The following BNC2 variants were observed in gnomAD, a reference collection of about 807,000 sequenced individuals.
BNC2 encodes the protein basonuclin zinc finger protein 2.
BNC2 carries 20 observed loss-of-function variants against 76.3 expected under a neutral mutation model. That is an observed-to-expected ratio of 0.26 (90% confidence interval 0.18 to 0.38). The LOEUF (loss-of-function observed/expected upper bound fraction) is 0.38. Ranked by LOEUF, BNC2 falls within the 10% of genes least tolerant of loss-of-function variation. The pLI, the probability that BNC2 is intolerant of heterozygous loss-of-function variation, is 1.00. For missense variants in BNC2, 1,382 were observed against 1,399.8 expected (o/e 0.99, Z 0.20); for synonymous variants, 582 against 514.8 (o/e 1.13, Z -1.77).
At chr9:16,672,487 A>AC (rs141003349) in intron 3 of BNC2, among the ~76,000 whole-genome samples, 2,967 of 152,206 alleles carry the variant, frequency 0.019, 96 homozygotes, top group African/African-American at 0.067. Context: ...ACAGAGCAAG[A>AC]TCCATCTCAA....
At chr9:16,815,862 C>T (rs983453989) in intron 1 of BNC2, among the ~76,000 whole-genome samples, 5 of 152,036 alleles carry the variant, frequency 3.3e-5, no homozygotes, top group Non-Finnish European at 5.9e-5. Context: ...TTACATTCTT[C>T]GACACAAAGA....
intron 5 of BNC2, among the ~76,000 whole-genome samples, chr9:16,548,817 C>A (rs1362550435): frequency 6.6e-6 from 1 of 152,144 alleles, no homozygotes; most frequent in Non-Finnish European, 1.5e-5. Flanking sequence ...TAAAAGCTAA[C>A]TTTCTGTACT....
intron 1 of BNC2, among the ~76,000 whole-genome samples, chr9:16,796,627 G>A (rs549710758): frequency 1.4e-5 from 2 of 144,194 alleles, no homozygotes; most frequent in Admixed American, 1.4e-4. Flanking sequence ...GGAAAGGGAA[G>A]GGAAAGGGAA....
chr9:16,623,853 G>A (rs1177786844), intron 3 of BNC2, among the ~76,000 whole-genome samples: 2 of 152,104 alleles, frequency 1.3e-5, no homozygotes, highest in Non-Finnish European at 2.9e-5. Flanking sequence ...CAGAAGGTAG[G>A]AAATAATGTT....
At chr9:16,771,634 T>C (rs1435528431) in intron 1 of BNC2, among the ~76,000 whole-genome samples, 2 of 152,228 alleles carry the variant, frequency 1.3e-5, no homozygotes, top group Non-Finnish European at 2.9e-5. Flanking sequence ...ACATGAACTA[T>C]AATGACAAGA....
chr9:16,677,578 A>ACACACACACACACACACACAC (rs61063092), intron 3 of BNC2, among the ~76,000 whole-genome samples: 38 of 139,340 alleles, frequency 2.7e-4, no homozygotes, highest in African/African-American at 1.0e-3. Flanking sequence ...GTCTCAAACA[A>ACACACACACACACACACACAC]ACACACACAC....
At chr9:16,789,500 C>T (rs978322065) in intron 1 of BNC2, among the ~76,000 whole-genome samples, 2 of 152,132 alleles carry the variant, frequency 1.3e-5, no homozygotes, top group African/African-American at 4.8e-5. Context: ...TTTAAAATGT[C>T]CTGTGCTTTC....
chr9:16,722,805 T>C (rs1824197760), intron 3 of BNC2, among the ~76,000 whole-genome samples: 1 of 152,174 alleles, frequency 6.6e-6, no homozygotes, highest in Admixed American at 6.5e-5. Flanking sequence ...TATAAACTGT[T>C]ACTTTCCCAC....
At chr9:16,630,970 C>T (rs1057221389) in intron 3 of BNC2, among the ~76,000 whole-genome samples, 3 of 152,042 alleles carry the variant, frequency 2.0e-5, no homozygotes, top group Non-Finnish European at 4.4e-5. Context: ...AACTCCTGAT[C>T]TCAGGTGATC....
intron 1 of BNC2, among the ~76,000 whole-genome samples, chr9:16,831,087 C>G (rs956153415): frequency 2.6e-5 from 4 of 152,194 alleles, no homozygotes; most frequent in African/African-American, 9.7e-5. Context: ...CTAAAACAAT[C>G]AGTGTCAAGG....
At chr9:16,686,006 T>C (rs951982936) in intron 3 of BNC2, among the ~76,000 whole-genome samples, 4 of 152,150 alleles carry the variant, frequency 2.6e-5, no homozygotes, top group Non-Finnish European at 5.9e-5. Flanking sequence ...TGACATAAAT[T>C]TTTTCTTTTC....
At chr9:16,578,273 C>G (rs1563847926) in intron 4 of BNC2, among the ~76,000 whole-genome samples, 2 of 152,128 alleles carry the variant, frequency 1.3e-5, no homozygotes, top group East Asian at 3.8e-4. Context: ...AGTTTGTTTT[C>G]TTTCTTATTT....
At chr9:16,598,792 C>CA (rs1820164364) in intron 3 of BNC2, among the ~76,000 whole-genome samples, 1 of 152,174 alleles carries the variant, frequency 6.6e-6, no homozygotes, top group Admixed American at 6.5e-5. Flanking sequence ...AAGAGGCGGG[C>CA]ACTGGCTCAC....
At chr9:16,586,143 C>G (rs1563851262) in intron 3 of BNC2, among the ~76,000 whole-genome samples, 1 of 151,854 alleles carries the variant, frequency 6.6e-6, no homozygotes, top group Non-Finnish European at 1.5e-5. Context: ...ACAGAATGTA[C>G]CACATACAGC....
At chr9:16,458,973 G>C (rs192149147) in intron 5 of BNC2, among the ~76,000 whole-genome samples, 145 of 152,270 alleles carry the variant, frequency 9.5e-4, no homozygotes, top group Non-Finnish European at 1.8e-3. Context: ...TGTTGAGGAG[G>C]GACATGGCAA....
At chr9:16,507,936 C>T (rs1439312139) in intron 5 of BNC2, among the ~76,000 whole-genome samples, 2 of 152,102 alleles carry the variant, frequency 1.3e-5, no homozygotes, top group Non-Finnish European at 2.9e-5. Flanking sequence ...AACAATCGTT[C>T]ATTATTATAA....
chr9:16,816,525 T>A (rs551337598), intron 1 of BNC2, among the ~76,000 whole-genome samples: 74 of 152,270 alleles, frequency 4.9e-4, no homozygotes, highest in African/African-American at 1.7e-3. Flanking sequence ...ATAAAAAAGA[T>A]ATACAAAGTA....
At chr9:16,793,752 G>A (rs1022931067) in intron 1 of BNC2, among the ~76,000 whole-genome samples, 9 of 134,968 alleles carry the variant, frequency 6.7e-5, no homozygotes, top group African/African-American at 1.4e-4. Flanking sequence ...TGCAAGCTCC[G>A]CCTCCCGGGT....
chr9:16,444,251 GA>G (rs1821186330), intron 5 of BNC2, among the ~76,000 whole-genome samples: 1 of 151,716 alleles, frequency 6.6e-6, no homozygotes, highest in South Asian at 2.1e-4. Context: ...CACACACACA[GA>G]GTTTAGAAAC....
Sources: allele counts gnomAD v4.1 joint callset (sites outside exome capture counted in the v4.1 genomes callset), GRCh38; gene constraint gnomAD v4.1.1; transcripts MANE v1.5; gene names NCBI Gene and HGNC (gene_info 2026-07-23, HGNC 2026-07-21).